HEMK2: variants seen among roughly 807,000 people sequenced by gnomAD.
HEMK2 encodes the protein methyltransferase HEMK2.
chr21:28,814,215 C>T, the HEMK2 span, among the ~76,000 whole-genome samples: 9 of 151,872 alleles, frequency 5.9e-5, no homozygotes, highest in East Asian at 3.9e-4. Flanking sequence ...CTAGCCTGGG[C>T]GACAGAGCGA....
At chr21:28,809,847 G>GAT in the HEMK2 span, among the ~76,000 whole-genome samples, 2 of 152,152 alleles carry the variant, frequency 1.3e-5, no homozygotes, top group Non-Finnish European at 1.5e-5. Context: ...CATCCAAAGG[G>GAT]AGTATCACCT....
At chr21:28,624,604 G>A in the HEMK2 span, among the ~76,000 whole-genome samples, 1 of 152,144 alleles carries the variant, frequency 6.6e-6, no homozygotes, top group Non-Finnish European at 1.5e-5. Flanking sequence ...AGTCTGTTTT[G>A]TATCAGGCTC....
the HEMK2 span, among the ~76,000 whole-genome samples, chr21:28,771,067 T>C: frequency 2.3e-3 from 344 of 152,250 alleles, 2 homozygotes; most frequent in African/African-American, 7.8e-3. Flanking sequence ...TGCCAGACAC[T>C]GTGATAAGTA....
the HEMK2 span, among the ~76,000 whole-genome samples, chr21:28,706,768 G>A: frequency 7.1e-6 from 1 of 140,200 alleles, no homozygotes; most frequent in African/African-American, 2.9e-5. Flanking sequence ...TGGAATTTCA[G>A]ATACTCACTC....
chr21:28,691,601 G>T, the HEMK2 span, among the ~76,000 whole-genome samples: 1 of 152,098 alleles, frequency 6.6e-6, no homozygotes, highest in Non-Finnish European at 1.5e-5. Flanking sequence ...TCTCCAAAAA[G>T]TTCTGGTTGC....
At chr21:28,611,895 G>C in the HEMK2 span, among the ~76,000 whole-genome samples, 2 of 129,914 alleles carry the variant, frequency 1.5e-5, no homozygotes, top group Non-Finnish European at 3.1e-5. Flanking sequence ...CTGGGAGACA[G>C]AGAGAGACAC....
chr21:28,844,200 T>A, the HEMK2 span, among the ~76,000 whole-genome samples: 1 of 152,076 alleles, frequency 6.6e-6, no homozygotes, highest in Non-Finnish European at 1.5e-5. Flanking sequence ...CATTAGGAAT[T>A]TTATTAACAG....
At chr21:28,627,553 T>A in the HEMK2 span, among the ~76,000 whole-genome samples, 1 of 152,142 alleles carries the variant, frequency 6.6e-6, no homozygotes, top group African/African-American at 2.4e-5. Flanking sequence ...TTGAACTGCT[T>A]CCAATGCTAA....
chr21:28,744,020 G>T, the HEMK2 span, among the ~76,000 whole-genome samples: 1 of 152,086 alleles, frequency 6.6e-6, no homozygotes, highest in African/African-American at 2.4e-5. Context: ...TCACTAATAA[G>T]TGGGAGCTAA....
the HEMK2 span, among the ~76,000 whole-genome samples, chr21:28,648,913 C>T: frequency 6.6e-6 from 1 of 151,340 alleles, no homozygotes; most frequent in Non-Finnish European, 1.5e-5. Context: ...TTAGGTATAT[C>T]TCCTAATGCT....
the HEMK2 span, among the ~76,000 whole-genome samples, chr21:28,666,319 C>T: frequency 0.57 from 86,805 of 152,098 alleles, 28,065 homozygotes; most frequent in African/African-American, 0.87. Context: ...CTCATTTAAT[C>T]ATTAGATTCC....
the HEMK2 span, among the ~76,000 whole-genome samples, chr21:28,628,351 A>T: frequency 6.6e-6 from 1 of 152,176 alleles, no homozygotes; most frequent in Non-Finnish European, 1.5e-5. Context: ...TGCAACCACT[A>T]TGAGTTAAGA....
At chr21:28,655,533 G>A in the HEMK2 span, among the ~76,000 whole-genome samples, 1 of 152,072 alleles carries the variant, frequency 6.6e-6, no homozygotes, top group Non-Finnish European at 1.5e-5. Flanking sequence ...TCAGACTGGT[G>A]GGTAAAACCT....
the HEMK2 span, among the ~76,000 whole-genome samples, chr21:28,704,989 C>G: frequency 6.6e-6 from 1 of 152,172 alleles, no homozygotes; most frequent in South Asian, 2.1e-4. Context: ...GGCCTCCTTC[C>G]CTCTTCACTG....
chr21:28,840,611 T>A, the HEMK2 span, among the ~76,000 whole-genome samples: 1 of 151,960 alleles, frequency 6.6e-6, no homozygotes, highest in Non-Finnish European at 1.5e-5. Context: ...ATGCTCAACA[T>A]TAATGATCAG....
the HEMK2 span, among the ~76,000 whole-genome samples, chr21:28,813,613 A>G: frequency 2.0e-5 from 3 of 152,324 alleles, no homozygotes; most frequent in Admixed American, 1.3e-4. Flanking sequence ...AAGAGCCCAT[A>G]TAGCCAAGAT....
the HEMK2 span, chr21:28,875,473 T>C: frequency 1.3e-5 from 2 of 150,596 alleles, no homozygotes; most frequent in Non-Finnish European, 2.9e-5. Context: ...TCAAACAGCA[T>C]CCCTATCTGC....
chr21:28,783,968 T>C, the HEMK2 span, among the ~76,000 whole-genome samples: 1 of 152,168 alleles, frequency 6.6e-6, no homozygotes, highest in African/African-American at 2.4e-5. Context: ...GCTCTAATTC[T>C]CACCGGGCCT....
the HEMK2 span, among the ~76,000 whole-genome samples, chr21:28,597,135 A>G: frequency 6.6e-6 from 1 of 152,244 alleles, no homozygotes; most frequent in African/African-American, 2.4e-5. Flanking sequence ...AAGATATGAT[A>G]GGCAAAAGGG....
Sources: allele counts gnomAD v4.1 joint callset (sites outside exome capture counted in the v4.1 genomes callset), GRCh38; gene constraint gnomAD v4.1.1; transcripts MANE v1.5; gene names NCBI Gene and HGNC (gene_info 2026-07-23, HGNC 2026-07-21).